Variants in SCAF4 observed in about 807,000 individuals in gnomAD.
The protein encoded by SCAF4 is SR-related and CTD-associated factor 4.
SCAF4 carries 25 observed loss-of-function variants against 129.8 expected under a neutral mutation model. That is an observed-to-expected ratio of 0.19 (90% CI 0.14 to 0.27). The LOEUF (loss-of-function observed/expected upper bound fraction) is 0.27. Among genes scored for constraint, SCAF4 ranks in the 10% least tolerant of loss-of-function variants. SCAF4 has a pLI of 1.00. For missense variants in SCAF4, 1,246 were observed against 1,457.1 expected, an observed-to-expected ratio of 0.86 and a Z score of 2.36; for synonymous variants, 551 against 497.7, an observed-to-expected ratio of 1.11 and a Z score of -1.43.
At chr21:31,674,706 G>C (rs1180539980) in intron 19 of SCAF4, among the ~76,000 whole-genome samples, 1 of 152,162 alleles carries the variant, frequency 6.6e-6, no homozygotes, top group Non-Finnish European at 1.5e-5. Context: ...AGTTACCCAG[G>C]TGAAAAGGGC....
intron 1 of SCAF4, among the ~76,000 whole-genome samples, chr21:31,730,530 G>A (rs1162612020): frequency 6.6e-6 from 1 of 152,186 alleles, no homozygotes; most frequent in Non-Finnish European, 1.5e-5. Context: ...ATTGTTACAA[G>A]TAAACCTACA....
chr21:31,699,839 A>G (rs2050479196), intron 7 of SCAF4, among the ~76,000 whole-genome samples: 1 of 152,236 alleles, frequency 6.6e-6, no homozygotes, highest in African/African-American at 2.4e-5. Context: ...TTAGGGTTAA[A>G]TTTCAATGAG....
At chr21:31,675,373 CGA>C (rs1277143513) in intron 19 of SCAF4, among the ~76,000 whole-genome samples, 1 of 152,096 alleles carries the variant, frequency 6.6e-6, no homozygotes, top group African/African-American at 2.4e-5. Flanking sequence ...GAAGGCCCCT[CGA>C]GAGTAGTTAG....
chr21:31,696,124 T>C lies in SCAF4; in HGVS notation c.1057A>G (p.Met353Val), dbSNP rs1307844508. ...AAAAATGCTTGTACCTGATGGTGCA[T>C]TGGATCCTGTTGTATTCCCATCATT... Reference protein sequence around the residue: ...PRMMGIQQDPMHHQVPLPPNG... With the variant: ...PRMMGIQQDPVHHQVPLPPNG... The change falls in exon 9 of 20, where the codon ATG (methionine) becomes GTG (valine). Residue 353 changes from methionine (M) to valine (V), a missense_variant. Coordinates refer to ENST00000286835, the MANE Select transcript of SCAF4 (RefSeq NM_020706.2). 9.3e-6 allele frequency: 15 copies of C among 1,610,922 alleles called. No individual in the cohort carries two copies. Among genetic ancestry groups the C allele is most frequent in the Middle Eastern group, 3.3e-4 (2 of 6,058 alleles).
At chr21:31,721,725 C>CTGTT (rs1335252824) in intron 1 of SCAF4, among the ~76,000 whole-genome samples, 123 of 125,422 alleles carry the variant, frequency 9.8e-4, no homozygotes, top group African/African-American at 3.4e-3. Context: ...AAGAGCAATT[C>CTGTT]TTTTTTTTTT....
intron 1 of SCAF4, among the ~76,000 whole-genome samples, chr21:31,730,081 T>C (rs1309087165): frequency 6.6e-6 from 1 of 152,246 alleles, no homozygotes; most frequent in Non-Finnish European, 1.5e-5. Context: ...ATATTTTAAC[T>C]ATTGTTGTGC....
At chr21:31,719,645 C>CA (rs1274510404) in intron 1 of SCAF4, among the ~76,000 whole-genome samples, 1 of 152,096 alleles carries the variant, frequency 6.6e-6, no homozygotes, top group African/African-American at 2.4e-5. Context: ...GCTGGGATTA[C>CA]AGGCATGTGC....
At chr21:31,687,315 A>G (rs2123508481) in intron 16 of SCAF4, among the ~76,000 whole-genome samples, 1 of 152,288 alleles carries the variant, frequency 6.6e-6, no homozygotes, top group East Asian at 1.9e-4. Context: ...TACTTAACAT[A>G]TATTATCTCA....
intron 19 of SCAF4, among the ~76,000 whole-genome samples, chr21:31,681,163 T>C (rs776897561): frequency 5.3e-5 from 8 of 152,198 alleles, no homozygotes; most frequent in African/African-American, 1.9e-4. Flanking sequence ...TCAACTCTTA[T>C]TTATAAATTT....
intron 7 of SCAF4, 92 bp from the exon 8 acceptor site, chr21:31,696,842 T>C: frequency 4.6e-6 from 5 of 1,080,342 alleles, no homozygotes; most frequent in African/African-American, 1.6e-5. Flanking sequence ...TACCACCATC[T>C]AGAAACCCAC....
chr21:31,714,484 A>G (rs1283129786), intron 1 of SCAF4, among the ~76,000 whole-genome samples: 1 of 152,192 alleles, frequency 6.6e-6, no homozygotes, highest in Non-Finnish European at 1.5e-5. Flanking sequence ...AAACGTCTAA[A>G]TATGACCACT....
intron 4 of SCAF4, among the ~76,000 whole-genome samples, chr21:31,702,940 T>A (rs2050570003): frequency 6.6e-6 from 1 of 152,184 alleles, no homozygotes; most frequent in African/African-American, 2.4e-5. Context: ...GAAATTTATA[T>A]GCTGTTTATT....
intron 13 of SCAF4, 39 bp downstream of exon 13, chr21:31,692,310 A>C: frequency 6.9e-7 from 1 of 1,457,158 alleles, no homozygotes; most frequent in Non-Finnish European, 9.6e-7. Flanking sequence ...CATTAATCAC[A>C]CCTGTCCATC....
At chr21:31,712,224 T>TC (rs2050816242) in intron 1 of SCAF4, among the ~76,000 whole-genome samples, 1 of 139,100 alleles carries the variant, frequency 7.2e-6, no homozygotes, top group South Asian at 2.2e-4. Flanking sequence ...GTTTGTTGCT[T>TC]TTTTTTTTTT....
intron 19 of SCAF4, chr21:31,683,878 T>C (rs1272762073): frequency 2.0e-5 from 3 of 152,808 alleles, no homozygotes; most frequent in Non-Finnish European, 4.4e-5. Context: ...TCACTTGTGA[T>C]AAATTTTAAT....
chr21:31,671,811 T>C lies in SCAF4; in HGVS notation c.3032A>G (p.Asn1011Ser), dbSNP rs1337437766. The change falls in exon 20 of 20, where the codon AAT (asparagine) becomes AGT (serine). Residue 1011 changes from asparagine (N) to serine (S), a missense_variant. This residue lies in a region of SCAF4 where 339 missense variants were observed against 325.0 expected (regional missense o/e 1.04). Coordinates refer to ENST00000286835, the MANE Select transcript of SCAF4 (RefSeq NM_020706.2). ...GRRSFGNRVE[N>S]DRERYGNRND... ...ACGGTTCCCATACCGTTCCCGGTCA[T>C]TTTCCACCCTATTTCCAAAAGATCT... 6.2e-7 allele frequency: 1 copy of C among 1,614,064 alleles called. No homozygotes were observed.
At chr21:31,702,709 A>G (rs1472901242) in intron 4 of SCAF4, among the ~76,000 whole-genome samples, 2 of 152,198 alleles carry the variant, frequency 1.3e-5, no homozygotes, top group Non-Finnish European at 1.5e-5. Flanking sequence ...GAAGTAAATG[A>G]AGGAGAATTT....
intron 19 of SCAF4, among the ~76,000 whole-genome samples, chr21:31,678,296 G>A (rs1436796885): frequency 2.0e-5 from 3 of 152,086 alleles, no homozygotes; most frequent in East Asian, 1.9e-4. Context: ...CATAAAAAAC[G>A]AGTCATTCTT....
At position 31,732,031 on chromosome 21, in the gene SCAF4, G is replaced by T. The variant is rs1438349261; in HGVS notation, c.-339C>A. The T allele has an allele frequency of 2.3e-6, 1 of 435,956 alleles. No homozygotes were observed. The allele number at this position is 435,956 out of a possible 1,614,324, so 27.0% of individuals were successfully genotyped here. On this transcript the variant is annotated 5_prime_UTR_variant, in exon 1 of 20. Coordinates refer to ENST00000286835, the MANE Select transcript of SCAF4 (RefSeq NM_020706.2). The stretch of plus-strand genomic sequence containing the variant: ...CGCCCTCACGCACTGGCTCACACTG[G>T]CCCGGCCGGCGAGCGGGCGGGCCTC...
Sources: gnomAD v4.1 joint callset for allele counts (sites outside exome capture counted in the v4.1 genomes callset) on GRCh38, gnomAD v4.1.1 for gene constraint, gnomAD v4.1.1 regional missense constraint, MANE v1.5 for transcripts, NCBI Gene and HGNC (gene_info 2026-07-23, HGNC 2026-07-21) for gene names.